FBXO15: variants seen among roughly 807,000 people sequenced by gnomAD.
FBXO15 encodes the protein F-box protein 15.
A neutral mutation model predicts 49.5 loss-of-function variants in FBXO15; 30 were observed. That is an observed-to-expected ratio of 0.61 (90% CI 0.45 to 0.82). The LOEUF (loss-of-function observed/expected upper bound fraction) is 0.82, where lower values mean the gene tolerates loss of function less well. Among genes scored for constraint, FBXO15 ranks in the 40% least tolerant of loss-of-function variants. The pLI, the probability that FBXO15 is intolerant of heterozygous loss-of-function variation, is 0.00. For synonymous variants in FBXO15, 250 were observed against 232.7 expected, an observed-to-expected ratio of 1.07 and a Z score of -0.68; for missense variants, 591 against 631.5, an observed-to-expected ratio of 0.94 and a Z score of 0.69.
At chr18:74,109,590 C>A (rs951274224) in intron 8 of FBXO15, among the ~76,000 whole-genome samples, 2 of 152,146 alleles carry the variant, frequency 1.3e-5, no homozygotes, top group Non-Finnish European at 2.9e-5. Flanking sequence ...AAATGTTCAT[C>A]AATCATAGAC....
In FBXO15 at chr18:74,147,721, GGCCCGCGCA is replaced by G; in HGVS notation, c.56_64del (p.Leu19_Gly21del). 1 of 1,533,936 alleles carries G rather than the reference GGCCCGCGCA, an allele frequency of 6.5e-7. No homozygotes were observed. Among genetic ancestry groups the G allele is most frequent in the Non-Finnish European group, 8.8e-7 (1 of 1,142,460 alleles). ...CCGGGCCGCGCCACCGCCCCTGCTG[GGCCCGCGCA>G]GCGTCTGGAGGCCGAGCCAGTGCTG... On this transcript the variant is annotated inframe_deletion, in exon 1 of 10. Transcript: ENST00000419743.
At chr18:74,093,035 A>G (rs4892179) in intron 8 of FBXO15, among the ~76,000 whole-genome samples, 151,517 of 152,224 alleles carry the variant, frequency 1, 75,407 homozygotes, top group East Asian at 1. Flanking sequence ...CAGAGCTGGC[A>G]ACCTCCATGC....
intron 3 of FBXO15, among the ~76,000 whole-genome samples, chr18:74,131,924 A>T (rs2145206640): frequency 6.6e-6 from 1 of 152,304 alleles, no homozygotes; most frequent in East Asian, 1.9e-4. Flanking sequence ...TAACCACAGC[A>T]GAAAAGGACC....
At chr18:74,143,395 C>T (rs1413249267) in intron 1 of FBXO15, among the ~76,000 whole-genome samples, 1 of 152,128 alleles carries the variant, frequency 6.6e-6, no homozygotes, top group Non-Finnish European at 1.5e-5. Context: ...TTCATGCTGG[C>T]TATGTTACAA....
chr18:74,135,340 T>G (rs1978652151), intron 3 of FBXO15, among the ~76,000 whole-genome samples: 1 of 152,212 alleles, frequency 6.6e-6, no homozygotes, highest in Admixed American at 6.5e-5. Context: ...TAACTTAGTC[T>G]CTTCCTTCTC....
At position 74,125,679 on chromosome 18, in the gene FBXO15, C is replaced by T. The variant is rs148449250; in HGVS notation, c.912+296G>A. Among the ~76,000 whole-genome samples, 14 of 152,144 alleles carry T rather than the reference C, an allele frequency of 9.2e-5. No homozygotes were observed. In the East Asian group the frequency reaches 2.7e-3, roughly 29 times the overall value. On this transcript the variant is annotated intron_variant, in intron 6 of 9. Transcript: ENST00000419743. Reference sequence around the variant, plus strand: ...GATTGGAAGTGGGAAAGCCACATGACATGAAAGGAATAACATGAAGGAAAA... The same window carrying T: ...GATTGGAAGTGGGAAAGCCACATGATATGAAAGGAATAACATGAAGGAAAA...
intron 8 of FBXO15, among the ~76,000 whole-genome samples, chr18:74,110,438 A>G (rs761569986): frequency 6.6e-6 from 1 of 151,966 alleles, no homozygotes; most frequent in Non-Finnish European, 1.5e-5. Context: ...AAATGGAATC[A>G]TATAAAATGC....
intron 8 of FBXO15, among the ~76,000 whole-genome samples, chr18:74,105,720 A>G (rs1913726672): frequency 6.6e-6 from 1 of 152,056 alleles, no homozygotes; most frequent in Admixed American, 6.6e-5. Flanking sequence ...TGCTGGGATT[A>G]CAGGCATGAG....
Position 74,082,026 on chromosome 18 carries a change from C to G in FBXO15, c.1164G>C (p.Lys388Asn), listed in dbSNP as rs779153537. 1 of 1,611,772 alleles carries G rather than the reference C, an allele frequency of 6.2e-7. No individual in the cohort carries two copies. The highest frequency in any genetic ancestry group is 1.7e-5 in the Admixed American group (1 of 59,608). ...TATTTTTTAAATGTATAACAATGAGCTTCACATGTCCATTTTCAATATTTC... is the reference window on the plus strand; with the variant it reads ...TATTTTTTAAATGTATAACAATGAGGTTCACATGTCCATTTTCAATATTTC... ...KRGNIENGHV[K>N]LIVIHLKNNR... Residue 388 changes from lysine (K) to asparagine (N), a missense_variant, in exon 9 of 10, where the codon AAG becomes AAC. Transcript: ENST00000419743.
Position 74,074,035 on chromosome 18 carries a change from T to G in FBXO15, c.1264-305A>C, listed in dbSNP as rs1912153810. On this transcript the variant is annotated intron_variant, in intron 9 of 9. Transcript: ENST00000419743. The surrounding 1 kb of genome is among the most constrained non-coding windows in gnomAD (Gnocchi z 4.7). ...GTCCCTCTCCTCATGGAAGTTAAAGTACAGTGGCTACAGATGTGACACAAA... is the reference window on the plus strand; with the variant it reads ...GTCCCTCTCCTCATGGAAGTTAAAGGACAGTGGCTACAGATGTGACACAAA... Among the ~76,000 whole-genome samples, 1 of 152,116 alleles carries G rather than the reference T, an allele frequency of 6.6e-6. No individual in the cohort carries two copies. The highest frequency in any genetic ancestry group is 1.5e-5 in the Non-Finnish European group (1 of 68,014).
At chr18:74,100,576 T>C (rs929733801) in intron 8 of FBXO15, among the ~76,000 whole-genome samples, 6 of 151,590 alleles carry the variant, frequency 4.0e-5, no homozygotes, top group Non-Finnish European at 8.8e-5. Context: ...AGAGGAGAAC[T>C]AAATGAAATT....
At chr18:74,140,710 A>G (rs1169345074) in intron 1 of FBXO15, 1 of 195,416 alleles carries the variant, frequency 5.1e-6, no homozygotes, top group African/African-American at 2.4e-5. Flanking sequence ...AGGAAACCTC[A>G]AGACCGTACT....
At chr18:74,147,581 T>C (rs902967324) in intron 1 of FBXO15, 89 bp downstream of exon 1, 1 of 1,316,880 alleles carries the variant, frequency 7.6e-7, no homozygotes, top group African/African-American at 1.5e-5. Context: ...TGCGCCAAGC[T>C]GGACGAATAA....
In FBXO15 at chr18:74,124,426, T is replaced by A. The variant is rs1418411452; in HGVS notation, c.995+63A>T. On this transcript the variant is annotated intron_variant, in intron 7 of 9. Transcript: ENST00000419743. The stretch of plus-strand genomic sequence containing the variant: ...CTATTCTCAGGATATTAAGATGGCA[T>A]CAACTTCTAATACTTTATATTTACT... 5 of 1,340,448 alleles carry A rather than the reference T, an allele frequency of 3.7e-6. No individual in the cohort carries two copies. In the East Asian group the frequency reaches 1.2e-4, roughly 31 times the overall value. The allele number at this position is 1,340,448 out of a possible 1,614,324, so 83.0% of individuals were successfully genotyped here. A position where few individuals can be genotyped will look rare whatever the true frequency, so the allele number is the denominator to read the frequency against.
intron 9 of FBXO15, 26 bp downstream of exon 9, chr18:74,081,901 A>C (rs1315377325): frequency 6.5e-7 from 1 of 1,533,126 alleles, no homozygotes; most frequent in Admixed American, 2.1e-5. Flanking sequence ...AGTTACTTGA[A>C]GAAAAGAAAA....
chr18:74,117,533 C>G (rs7244538), intron 8 of FBXO15, among the ~76,000 whole-genome samples: 1 of 151,940 alleles, frequency 6.6e-6, no homozygotes, highest in East Asian at 1.9e-4. Flanking sequence ...ATACAGGAAG[C>G]ATATTACAGG....
At chr18:74,080,642 T>C (rs934146369) in intron 9 of FBXO15, among the ~76,000 whole-genome samples, 3 of 152,262 alleles carry the variant, frequency 2.0e-5, no homozygotes, top group African/African-American at 7.2e-5. Flanking sequence ...ATGAGAAATC[T>C]GTGAGTGCAT....
At chr18:74,123,297 C>G in intron 8 of FBXO15, 71 bp downstream of exon 8, 1 of 1,510,666 alleles carries the variant, frequency 6.6e-7, no homozygotes, top group South Asian at 1.3e-5. Context: ...ATTCTTAACT[C>G]GGACATCAAA....
intron 1 of FBXO15, among the ~76,000 whole-genome samples, chr18:74,142,565 C>G (rs1979148107): frequency 6.6e-6 from 1 of 152,118 alleles, no homozygotes; most frequent in South Asian, 2.1e-4. Flanking sequence ...TGCCAGAAAT[C>G]CTTGGTGTCC....
Sources: gnomAD v4.1 joint callset for allele counts (sites outside exome capture counted in the v4.1 genomes callset) on GRCh38, gnomAD v4.1.1 for gene constraint, Gnocchi (gnomAD v3.1) non-coding constraint, MANE v1.5 for transcripts, NCBI Gene and HGNC (gene_info 2026-07-23, HGNC 2026-07-21) for gene names.